Variants in UBXN4 observed in about 807,000 individuals in gnomAD.
UBXN4 encodes the protein UBX domain protein 4.
UBXN4 carries 35 observed loss-of-function variants against 66.2 expected under a neutral mutation model. That is an observed-to-expected ratio of 0.53 (90% CI 0.40 to 0.70). The LOEUF is 0.70. Among genes scored for constraint, UBXN4 ranks in the 30% least tolerant of loss-of-function variants. The pLI, the probability that UBXN4 is intolerant of heterozygous loss-of-function variation, is 0.00. For missense variants in UBXN4, 533 were observed against 599.8 expected (o/e 0.89, Z 1.16); for synonymous variants, 203 against 204.5 (o/e 0.99, Z 0.06).
In UBXN4 at chr2:135,784,425, AAC is replaced by A. The variant is rs918797493; in HGVS notation, c.*1542_*1543del. The A allele has an allele frequency of 1.3e-5, 2 of 152,172 alleles. No individual in the cohort carries two copies. Among genetic ancestry groups the A allele is most frequent in the African/African-American group, 2.4e-5 (1 of 41,438 alleles). The allele number at this position is 152,172 out of a possible 1,614,324, so 9.4% of individuals were successfully genotyped here. ...GGTACAGTGTGATCTCAGCTTTGCA[AAC>A]ACATTTTCTACATAGATAGTACTAG... On this transcript the variant is annotated 3_prime_UTR_variant, in exon 13 of 13. Coordinates refer to ENST00000272638, the MANE Select transcript of UBXN4 (RefSeq NM_014607.4).
chr2:135,745,722 C>G (rs1458148992), intron 1 of UBXN4, among the ~76,000 whole-genome samples: 2 of 152,102 alleles, frequency 1.3e-5, no homozygotes, highest in Non-Finnish European at 2.9e-5. Context: ...ATCTTAATCT[C>G]TCCTCATCAG....
At chr2:135,780,996 G>A (rs574212529) in intron 12 of UBXN4, among the ~76,000 whole-genome samples, 3 of 152,348 alleles carry the variant, frequency 2.0e-5, no homozygotes, top group Admixed American at 1.3e-4. Context: ...AGGCTGAGGC[G>A]AGAGAATTAC....
intron 5 of UBXN4, among the ~76,000 whole-genome samples, chr2:135,760,373 G>T (rs1425777376): frequency 6.6e-6 from 1 of 152,086 alleles, no homozygotes; most frequent in African/African-American, 2.4e-5. Flanking sequence ...GGAGGTTGCA[G>T]TGAGCCAAGA....
At chr2:135,776,185 TTAA>T (rs1276046082) in intron 9 of UBXN4, 61 bp from the exon 10 acceptor site, 1 of 1,336,278 alleles carries the variant, frequency 7.5e-7, no homozygotes, top group Non-Finnish European at 1.1e-6. Context: ...TTTCTCTAAC[TTAA>T]TGATATTGTT....
intron 6 of UBXN4, among the ~76,000 whole-genome samples, chr2:135,764,328 G>A (rs1158914825): frequency 1.3e-5 from 2 of 152,064 alleles, no homozygotes; most frequent in African/African-American, 4.8e-5. Context: ...TTAAGGGAAA[G>A]GGTGACTAAA....
intron 5 of UBXN4, among the ~76,000 whole-genome samples, chr2:135,758,306 T>G (rs1227970614): frequency 6.6e-6 from 1 of 152,102 alleles, no homozygotes; most frequent in Non-Finnish European, 1.5e-5. Context: ...TCTCCTGACC[T>G]CAGGTGATCT....
chr2:135,769,794 A>G lies in UBXN4; in HGVS notation c.628A>G (p.Arg210Gly), dbSNP rs1245538851. 1 of 1,595,550 alleles carries G rather than the reference A, an allele frequency of 6.3e-7. No individual in the cohort carries two copies. Among genetic ancestry groups the G allele is most frequent in the Non-Finnish European group, 8.5e-7 (1 of 1,173,674 alleles). The change falls in exon 7 of 13, where the codon AGA becomes GGA. Residue 210 changes from arginine (R) to glycine (G), a missense_variant. Around this residue, in one of 2 missense-constraint regions of UBXN4, gnomAD observed 529 missense variants for 580.1 expected, o/e 0.91. Coordinates refer to ENST00000272638, the MANE Select transcript of UBXN4 (RefSeq NM_014607.4). ...ERLTKKLEER[R>G]EEKRKEEEQR... Reference sequence around the variant, plus strand: ...ACTAACAAAAAAACTTGAAGAAAGGAGAGAAGAGAAAAGAAAAGAGGAAGA... The same window carrying G: ...ACTAACAAAAAAACTTGAAGAAAGGGGAGAAGAGAAAAGAAAAGAGGAAGA...
In UBXN4 at chr2:135,784,621, G is replaced by A. The variant is rs1188476735; in HGVS notation, c.*1734G>A. Reference sequence around the variant, plus strand: ...GTTTGAAAAAGAAAATCTCCAGCAAGCATCTCATTTAAATAAAGGTTTGTC... The same window carrying A: ...GTTTGAAAAAGAAAATCTCCAGCAAACATCTCATTTAAATAAAGGTTTGTC... On this transcript the variant is annotated 3_prime_UTR_variant, in exon 13 of 13. Coordinates refer to ENST00000272638, the MANE Select transcript of UBXN4 (RefSeq NM_014607.4). 1 of 152,558 alleles carries A rather than the reference G, an allele frequency of 6.6e-6. No individual in the cohort carries two copies. Among genetic ancestry groups the A allele is most frequent in the Non-Finnish European group, 1.5e-5 (1 of 68,024 alleles). The allele number at this position is 152,558 out of a possible 1,614,324, so 9.5% of individuals were successfully genotyped here.
intron 1 of UBXN4, among the ~76,000 whole-genome samples, chr2:135,744,565 A>C (rs573200521): frequency 1.3e-5 from 2 of 152,170 alleles, no homozygotes; most frequent in East Asian, 3.9e-4. Context: ...GATAGACGCC[A>C]TTTTCTGCCT....
At chr2:135,748,664 A>G (rs1575313617) in intron 2 of UBXN4, among the ~76,000 whole-genome samples, 1 of 151,226 alleles carries the variant, frequency 6.6e-6, no homozygotes, top group South Asian at 2.1e-4. Flanking sequence ...GACTGGGGCT[A>G]CAGTGAGCTG....
chr2:135,753,134 C>T (rs2077256131), intron 2 of UBXN4, among the ~76,000 whole-genome samples: 1 of 150,158 alleles, frequency 6.7e-6, no homozygotes, highest in African/African-American at 2.5e-5. Context: ...AGCGATTCTC[C>T]TGCCTCAGCC....
At chr2:135,765,821 C>T (rs1462382716) in intron 6 of UBXN4, among the ~76,000 whole-genome samples, 4 of 151,994 alleles carry the variant, frequency 2.6e-5, no homozygotes, top group Non-Finnish European at 1.5e-5. Context: ...CCATGTCCTG[C>T]CCCCTTCTGG....
chr2:135,773,037 C>CAAAAAA (rs78669415), intron 9 of UBXN4, among the ~76,000 whole-genome samples: 5 of 79,998 alleles, frequency 6.3e-5, no homozygotes, highest in South Asian at 9.9e-4. Flanking sequence ...ACTCCGTCCC[C>CAAAAAA]AAAAAAAAAA....
At chr2:135,747,573 T>C (rs2077216430) in intron 1 of UBXN4, 1 of 456,170 alleles carries the variant, frequency 2.2e-6, no homozygotes, top group Admixed American at 2.4e-5. Context: ...GGAGTATAAA[T>C]GCTGTGGAGT....
chr2:135,763,306 C>T (rs1475075414), intron 6 of UBXN4, among the ~76,000 whole-genome samples: 1 of 152,164 alleles, frequency 6.6e-6, no homozygotes, highest in Non-Finnish European at 1.5e-5. Flanking sequence ...TAACTCATCC[C>T]CTGCCATCTT....
chr2:135,770,972 A>G (rs1260771874), intron 8 of UBXN4, among the ~76,000 whole-genome samples: 1 of 149,990 alleles, frequency 6.7e-6, no homozygotes, highest in African/African-American at 2.5e-5. Context: ...TCAGCATTCA[A>G]AAAGCAGCTT....
At chr2:135,781,300 ACTC>A (rs1333501670) in intron 12 of UBXN4, among the ~76,000 whole-genome samples, 4 of 152,156 alleles carry the variant, frequency 2.6e-5, no homozygotes, top group African/African-American at 7.2e-5. Flanking sequence ...GACAATTTTA[ACTC>A]CTATCTTTGT....
intron 2 of UBXN4, among the ~76,000 whole-genome samples, chr2:135,748,868 A>G (rs2077225682): frequency 1.4e-5 from 2 of 145,306 alleles, no homozygotes; most frequent in Admixed American, 6.9e-5. Flanking sequence ...TGTCTCTACT[A>G]AAAAAAAAAA....
Position 135,761,840 on chromosome 2 carries a change from C to T in UBXN4, c.531C>T (p.Ala177=). The part of the protein sequence containing the change: ...TATGGESAGH[A]TSSQEPSGCS... ...AAGGAGGAGAAAGTGCAGGCCATGC[C>T]ACTTCCTCTCAGGAGCCTAGTGGAT... Residue 177 remains alanine (A), a synonymous_variant, in exon 6 of 13, where the codon GCC becomes GCT. Coordinates refer to ENST00000272638, the MANE Select transcript of UBXN4 (RefSeq NM_014607.4). 6.2e-7 allele frequency: 1 copy of T among 1,612,348 alleles called. No homozygotes were observed. The highest frequency in any genetic ancestry group is 8.5e-7 in the Non-Finnish European group (1 of 1,179,338).
Sources: gnomAD v4.1 joint callset for allele counts (sites outside exome capture counted in the v4.1 genomes callset) on GRCh38, gnomAD v4.1.1 for gene constraint, gnomAD v4.1.1 regional missense constraint, MANE v1.5 for transcripts, NCBI Gene and HGNC (gene_info 2026-07-23, HGNC 2026-07-21) for gene names.